The following SUGCT variants were observed in gnomAD, a reference collection of about 807,000 sequenced individuals.
SUGCT encodes the protein succinyl-CoA:glutarate-CoA transferase.
SUGCT carries 41 observed loss-of-function variants against 55.0 expected under a neutral mutation model. The ratio of observed to expected loss-of-function variants is 0.74; its 90% confidence interval spans 0.58 to 0.97. SUGCT has a LOEUF of 0.97. SUGCT is among the 50% of genes least tolerant of loss of function. The probability of loss-of-function intolerance (pLI) is 0.00; values close to 1 mark genes in which losing one functional copy is unlikely to be tolerated. For synonymous variants in SUGCT, 187 were observed against 200.4 expected, an observed-to-expected ratio of 0.93 and a Z score of 0.56; for missense variants, 568 against 547.8, an observed-to-expected ratio of 1.04 and a Z score of -0.37.
At chr7:40,152,335 G>A (rs1172679968) in intron 1 of SUGCT, 1 of 152,242 alleles carries the variant, frequency 6.6e-6, no homozygotes, top group Non-Finnish European at 1.5e-5. Flanking sequence ...AGGGCAGCCT[G>A]GAGGTTAGAA....
chr7:40,621,692 G>A (rs1414891173), intron 12 of SUGCT, among the ~76,000 whole-genome samples: 1 of 152,100 alleles, frequency 6.6e-6, no homozygotes, highest in Non-Finnish European at 1.5e-5. Context: ...AGAAAATCAA[G>A]GATGCAGGAT....
At chr7:40,503,896 A>G (rs1385576245) in intron 12 of SUGCT, among the ~76,000 whole-genome samples, 1 of 152,202 alleles carries the variant, frequency 6.6e-6, no homozygotes, top group South Asian at 2.1e-4. Flanking sequence ...TGCAATGAAT[A>G]TGACCGAATG....
intron 9 of SUGCT, among the ~76,000 whole-genome samples, chr7:40,324,252 A>AATAAATAAATATAT (rs1554311559): frequency 3.4e-5 from 4 of 117,650 alleles, no homozygotes; most frequent in African/African-American, 1.4e-4. Context: ...TAAATAAATA[A>AATAAATAAATATAT]ATATATATAT....
chr7:40,585,554 G>A (rs1332634103), intron 12 of SUGCT, among the ~76,000 whole-genome samples: 1 of 152,048 alleles, frequency 6.6e-6, no homozygotes, highest in Non-Finnish European at 1.5e-5. Context: ...TTTATTTTTT[G>A]TAGAGGCGAG....
At chr7:40,217,202 G>A (rs952387110) in intron 6 of SUGCT, among the ~76,000 whole-genome samples, 2 of 151,892 alleles carry the variant, frequency 1.3e-5, no homozygotes, top group African/African-American at 4.8e-5. Context: ...ATTGATTCCA[G>A]AATTATTCTT....
the SUGCT span, among the ~76,000 whole-genome samples, chr7:40,947,264 T>G: frequency 6.6e-6 from 1 of 152,312 alleles, no homozygotes; most frequent in South Asian, 2.1e-4. Context: ...AGTTGTACTT[T>G]TCAACTCCAT....
intron 9 of SUGCT, among the ~76,000 whole-genome samples, chr7:40,443,721 G>C (rs1788649164): frequency 6.6e-6 from 1 of 152,112 alleles, no homozygotes; most frequent in Non-Finnish European, 1.5e-5. Flanking sequence ...AAGCTCTTTA[G>C]TTTAATTAGA....
chr7:40,839,807 A>G (rs1295988667), intron 13 of SUGCT, among the ~76,000 whole-genome samples: 1 of 152,200 alleles, frequency 6.6e-6, no homozygotes. Context: ...ATGAAACAGA[A>G]CATTCAATAA....
At chr7:40,812,163 A>G (rs912186269) in intron 13 of SUGCT, among the ~76,000 whole-genome samples, 3 of 151,846 alleles carry the variant, frequency 2.0e-5, no homozygotes, top group Non-Finnish European at 2.9e-5. Context: ...TGGTTTGCTA[A>G]TATTTTGTTG....
At chr7:40,703,850 G>T (rs1369611572) in intron 12 of SUGCT, among the ~76,000 whole-genome samples, 2 of 152,128 alleles carry the variant, frequency 1.3e-5, no homozygotes, top group Non-Finnish European at 2.9e-5. Context: ...AGCAACATGT[G>T]GTCCCCATGT....
At chr7:40,888,248 T>G in the SUGCT span, among the ~76,000 whole-genome samples, 5 of 152,164 alleles carry the variant, frequency 3.3e-5, no homozygotes, top group Admixed American at 3.3e-4. Flanking sequence ...CCTACTCTGC[T>G]TCCAACATGG....
chr7:40,728,031 A>C (rs1037685461), intron 12 of SUGCT, among the ~76,000 whole-genome samples: 20 of 152,190 alleles, frequency 1.3e-4, no homozygotes, highest in African/African-American at 4.3e-4. Flanking sequence ...ATTTTTATGC[A>C]TAAAGGTTTT....
intron 1 of SUGCT, among the ~76,000 whole-genome samples, chr7:40,161,183 ACTT>A (rs1482114408): frequency 6.6e-6 from 1 of 152,168 alleles, no homozygotes; most frequent in Non-Finnish European, 1.5e-5. Context: ...AAATTTCTAA[ACTT>A]CTCTCCAGAC....
intron 6 of SUGCT, among the ~76,000 whole-genome samples, chr7:40,196,654 G>A (rs1372425379): frequency 6.6e-6 from 1 of 152,104 alleles, no homozygotes; most frequent in Non-Finnish European, 1.5e-5. Context: ...GAGGGTTTTA[G>A]GCAGGACAAC....
At chr7:40,584,403 T>G (rs1006988052) in intron 12 of SUGCT, among the ~76,000 whole-genome samples, 1 of 152,192 alleles carries the variant, frequency 6.6e-6, no homozygotes, top group African/African-American at 2.4e-5. Context: ...AGAAAACAGA[T>G]ACTCATATTT....
chr7:40,819,927 A>G (rs1791890333), intron 13 of SUGCT, among the ~76,000 whole-genome samples: 1 of 152,144 alleles, frequency 6.6e-6, no homozygotes, highest in Admixed American at 6.5e-5. Flanking sequence ...TCTTGAATTA[A>G]TTTTTGTATA....
chr7:40,277,415 C>T (rs948797690), intron 8 of SUGCT, among the ~76,000 whole-genome samples: 5 of 151,746 alleles, frequency 3.3e-5, no homozygotes, highest in Admixed American at 3.3e-4. Context: ...GTCTTGAACT[C>T]CTGACCTTGA....
intron 1 of SUGCT, among the ~76,000 whole-genome samples, chr7:40,180,708 C>T (rs1399338341): frequency 6.6e-6 from 1 of 152,062 alleles, no homozygotes; most frequent in Non-Finnish European, 1.5e-5. Context: ...AGGCTGGTCT[C>T]GAATTCCTGA....
At chr7:40,472,911 G>T (rs1370180858) in intron 11 of SUGCT, among the ~76,000 whole-genome samples, 1 of 152,142 alleles carries the variant, frequency 6.6e-6, no homozygotes, top group Non-Finnish European at 1.5e-5. Flanking sequence ...TTACTCAGGA[G>T]AAATGGCTAA....
Sources: gnomAD v4.1 joint callset for allele counts (sites outside exome capture counted in the v4.1 genomes callset) on GRCh38, gnomAD v4.1.1 for gene constraint, MANE v1.5 for transcripts, NCBI Gene and HGNC (gene_info 2026-07-23, HGNC 2026-07-21) for gene names.